RAPH1: variants seen among roughly 807,000 people sequenced by gnomAD.
RAPH1 encodes the protein ras-associated and pleckstrin homology domains-containing protein 1.
In RAPH1, 18 loss-of-function variants were observed where a neutral mutation model predicts 88.1. The observed-to-expected ratio is 0.20, with a 90% CI of 0.14 to 0.30. RAPH1 has a LOEUF of 0.30. Among genes scored for constraint, RAPH1 ranks in the 10% least tolerant of loss-of-function variants. The pLI, the probability that RAPH1 is intolerant of heterozygous loss-of-function variation, is 1.00. For missense variants in RAPH1, 1,448 were observed against 1,543.2 expected, an observed-to-expected ratio of 0.94 and a Z score of 1.03; for synonymous variants, 587 against 559.0, an observed-to-expected ratio of 1.05 and a Z score of -0.71.
At chr2:203,518,518 CAAACAAAAAAAACAAAA>C (rs1282945276) in intron 1 of RAPH1, among the ~76,000 whole-genome samples, 2 of 133,894 alleles carry the variant, frequency 1.5e-5, no homozygotes, top group Non-Finnish European at 3.2e-5. Flanking sequence ...ACACCATCTC[CAAACAAAAAAAACAAAA>C]AAACAAAAAA....
intron 1 of RAPH1, among the ~76,000 whole-genome samples, chr2:203,505,619 TTAAC>T (rs1287793874): frequency 6.6e-6 from 1 of 152,222 alleles, no homozygotes; most frequent in African/African-American, 2.4e-5. Flanking sequence ...TATCTTATAA[TTAAC>T]TATTACACAA....
chr2:203,471,435 A>G (rs771694881), intron 4 of RAPH1, among the ~76,000 whole-genome samples: 1 of 152,142 alleles, frequency 6.6e-6, no homozygotes, highest in African/African-American at 2.4e-5. Flanking sequence ...AACATGGTGA[A>G]ACCCCGTTTC....
At chr2:203,443,731 G>A (rs1295987200) in intron 13 of RAPH1, 1 of 152,156 alleles carries the variant, frequency 6.6e-6, no homozygotes, top group African/African-American at 2.4e-5. Flanking sequence ...TGTAATCCCA[G>A]GACTTTGGAA....
chr2:203,497,703 A>G (rs1299108921), intron 1 of RAPH1, among the ~76,000 whole-genome samples: 1 of 152,212 alleles, frequency 6.6e-6, no homozygotes, highest in Non-Finnish European at 1.5e-5. Flanking sequence ...AATCATATAT[A>G]AATCAGGTCA....
At position 203,440,740 on chromosome 2, in the gene RAPH1, GGCT is replaced by G. The variant is rs1459879766; in HGVS notation, c.2447_2449del (p.Gln816del). 5 of 1,610,418 alleles carry G rather than the reference GGCT, an allele frequency of 3.1e-6. No homozygotes were observed. Among genetic ancestry groups the G allele is most frequent in the African/African-American group, 2.7e-5 (2 of 74,736 alleles). On this transcript the variant is annotated inframe_deletion, in exon 14 of 14. Transcript: ENST00000319170. ...TGGAATGTAAGAAGCAGGGAAAGCTGGCTGCTTTTTTGCTGGGGGCACTGGAGG... is the reference window on the plus strand; with the variant it reads ...TGGAATGTAAGAAGCAGGGAAAGCTGGCTTTTTTGCTGGGGGCACTGGAGG...
In RAPH1 at chr2:203,495,268, C is replaced by A. The variant is rs1360340517; in HGVS notation, c.86G>T (p.Gly29Val). The change falls in exon 2 of 14, where the codon GGA becomes GTA. Residue 29 changes from glycine to valine, a missense_variant. Physicochemically the swap from Gly to Val is moderately radical, Grantham distance 109. This residue lies in a region of RAPH1 where 513 missense variants were observed against 653.1 expected (regional missense o/e 0.79). Transcript: ENST00000319170. ...KEDQDLDKMF[G>V]AWLGELDKLT... ...TTTGTCTAGTTCTCCAAGCCAGGCTCCAAACATTTTGTCCAGGTCCTGATC... is the reference window on the plus strand; with the variant it reads ...TTTGTCTAGTTCTCCAAGCCAGGCTACAAACATTTTGTCCAGGTCCTGATC... The A allele has an allele frequency of 1.2e-6, 2 of 1,614,118 alleles. No homozygotes were observed.
At chr2:203,506,402 C>T (rs1350060321) in intron 1 of RAPH1, among the ~76,000 whole-genome samples, 9 of 151,824 alleles carry the variant, frequency 5.9e-5, no homozygotes, top group Admixed American at 2.0e-4. Context: ...AAGTAACAGA[C>T]ACCTGGAGTA....
Position 203,440,662 on chromosome 2 carries a change from T to C in RAPH1, c.2528A>G (p.Gln843Arg). The C allele has an allele frequency of 6.5e-7, 1 of 1,530,868 alleles. No individual in the cohort carries two copies. 94.8% of individuals were successfully genotyped at this position (1,530,868 alleles called of 1,614,324 possible). A position where few individuals can be genotyped will look rare whatever the true frequency, so the allele number is the denominator to read the frequency against. ...AGGGGGTTTTGCACAGAAGCTCTGTTGCTTGGGTAATGTTGGCGGGGGTAC... is the reference window on the plus strand; with the variant it reads ...AGGGGGTTTTGCACAGAAGCTCTGTCGCTTGGGTAATGTTGGCGGGGGTAC... ...VPVPPPTLPK[Q>R]QSFCAKPPPS... Residue 843 changes from glutamine to arginine, a missense_variant, in exon 14 of 14, where the codon CAA becomes CGA. This residue lies in a region of RAPH1 where 935 missense variants were observed against 890.1 expected (regional missense o/e 1.05). Transcript: ENST00000319170.
intron 1 of RAPH1, among the ~76,000 whole-genome samples, chr2:203,504,423 GC>G (rs1025211937): frequency 6.6e-6 from 1 of 152,162 alleles, no homozygotes; most frequent in African/African-American, 2.4e-5. Context: ...CTCTATGTTG[GC>G]CCCTTTCAGC....
At chr2:203,462,553 T>G (rs2098524990) in intron 4 of RAPH1, among the ~76,000 whole-genome samples, 1 of 152,214 alleles carries the variant, frequency 6.6e-6, no homozygotes, top group Non-Finnish European at 1.5e-5. Flanking sequence ...GTAATCAATG[T>G]CTTATGTCAG....
At chr2:203,458,770 CTT>C (rs34230185) in intron 7 of RAPH1, among the ~76,000 whole-genome samples, 3 of 146,370 alleles carry the variant, frequency 2.0e-5, no homozygotes, top group Non-Finnish European at 3.0e-5. Context: ...TTCTTTTTCT[CTT>C]TTTTTTTTTG....
chr2:203,440,649 A>C lies in RAPH1; in HGVS notation c.2541T>G (p.Cys847Trp). The C allele has an allele frequency of 6.4e-7, 1 of 1,550,474 alleles. No homozygotes were observed. Among genetic ancestry groups the C allele is most frequent in the South Asian group, 1.2e-5 (1 of 81,684 alleles). ...ACAGTGGAGAGGGAGGGGGTTTTGC[A>C]CAGAAGCTCTGTTGCTTGGGTAATG... ...PPTLPKQQSFCAKPPPSPLSP... is the reference protein window; with the variant it reads ...PPTLPKQQSFWAKPPPSPLSP... The change falls in exon 14 of 14, where the codon TGT becomes TGG. Residue 847 changes from cysteine to tryptophan, a missense_variant. Transcript: ENST00000319170.
Position 203,440,969 on chromosome 2 carries a change from T to C in RAPH1, c.2221A>G (p.Ser741Gly). 6.4e-7 allele frequency: 1 copy of C among 1,558,158 alleles called. No individual in the cohort carries two copies. The highest frequency in any genetic ancestry group is 8.6e-7 in the Non-Finnish European group (1 of 1,156,546). ...ATCTTCAGTGGAGGAGGCGGGGCAC[T>C]GAACTGTGGAAGGGATGGGGCACAC... ...APCAPSLPQF[S>G]APPPPLKIHQ... The change falls in exon 14 of 14, where the codon AGT (serine) becomes GGT (glycine). Residue 741 changes from serine (S) to glycine (G), a missense_variant. Physicochemically the swap from Ser to Gly is moderately conservative, Grantham distance 56 (BLOSUM62 0). Around this residue, in one of 2 missense-constraint regions of RAPH1, gnomAD observed 935 missense variants for 890.1 expected, o/e 1.05. Coordinates refer to ENST00000319170, the MANE Select transcript of RAPH1 (RefSeq NM_213589.3).
chr2:203,447,382 T>G (rs1288096407), intron 12 of RAPH1: 3 of 152,374 alleles, frequency 2.0e-5, no homozygotes, highest in African/African-American at 7.2e-5. Context: ...ATACACATTC[T>G]AAATTTGTTT....
chr2:203,451,107 A>G (rs2153637616), intron 10 of RAPH1, among the ~76,000 whole-genome samples: 1 of 152,244 alleles, frequency 6.6e-6, no homozygotes, highest in South Asian at 2.1e-4. Context: ...ATCCTCTCAC[A>G]TAATAAAGGC....
At chr2:203,488,494 C>T (rs13031272) in intron 4 of RAPH1, among the ~76,000 whole-genome samples, 69,770 of 146,158 alleles carry the variant, frequency 0.48, 18,442 homozygotes, top group Middle Eastern at 0.73. Flanking sequence ...GAGGCTGAGG[C>T]AGGAGAATCA....
intron 2 of RAPH1, among the ~76,000 whole-genome samples, chr2:203,493,722 C>T (rs1688376633): frequency 6.6e-6 from 1 of 151,960 alleles, no homozygotes; most frequent in Non-Finnish European, 1.5e-5. Flanking sequence ...CCTGTAATCC[C>T]AGCAGTTTGA....
At chr2:203,526,926 G>A (rs1420325242) in intron 1 of RAPH1, among the ~76,000 whole-genome samples, 1 of 151,816 alleles carries the variant, frequency 6.6e-6, no homozygotes, top group East Asian at 2.0e-4. Context: ...TGGGATTACA[G>A]GCACATGCCA....
chr2:203,449,812 C>A (rs1287544546), intron 10 of RAPH1, among the ~76,000 whole-genome samples: 1 of 152,068 alleles, frequency 6.6e-6, no homozygotes, highest in Non-Finnish European at 1.5e-5. Context: ...ATCAAGGAGT[C>A]AGGAGTTCGA....
Sources: gnomAD v4.1 joint callset for allele counts (sites outside exome capture counted in the v4.1 genomes callset) on GRCh38, gnomAD v4.1.1 for gene constraint, gnomAD v4.1.1 regional missense constraint, MANE v1.5 for transcripts, NCBI Gene and HGNC (gene_info 2026-07-23, HGNC 2026-07-21) for gene names.